Variants in DYNC1I1 observed in about 807,000 individuals in gnomAD.
DYNC1I1 encodes the protein dynein cytoplasmic 1 intermediate chain 1, also known as cytoplasmic dynein 1 intermediate chain 1.
DYNC1I1 carries 43 observed loss-of-function variants against 86.6 expected under a neutral mutation model. The observed-to-expected ratio is 0.50, with a 90% CI of 0.39 to 0.64. The LOEUF is 0.64. Ranked by LOEUF, DYNC1I1 falls within the 30% of genes least tolerant of loss-of-function variation. The pLI is 0.00. For synonymous variants in DYNC1I1, 262 were observed against 283.7 expected (o/e 0.92, Z 0.77); for missense variants, 604 against 788.8 (o/e 0.77, Z 2.81).
intron 1 of DYNC1I1, among the ~76,000 whole-genome samples, chr7:95,773,040 G>T (rs1005608004): frequency 3.9e-5 from 6 of 152,196 alleles, no homozygotes; most frequent in African/African-American, 1.4e-4. Context: ...TCACCACCTG[G>T]TCGCCCACCT....
At chr7:95,983,209 C>T (rs992872859) in intron 7 of DYNC1I1, among the ~76,000 whole-genome samples, 28 of 152,110 alleles carry the variant, frequency 1.8e-4, no homozygotes, top group African/African-American at 6.5e-4. Flanking sequence ...AGTGTCTCAG[C>T]AGCACTGCTC....
At chr7:95,951,562 A>G (rs1487449758) in intron 6 of DYNC1I1, among the ~76,000 whole-genome samples, 1 of 152,198 alleles carries the variant, frequency 6.6e-6, no homozygotes, top group Non-Finnish European at 1.5e-5. Flanking sequence ...CAATACATCC[A>G]ATACAACCTA....
chr7:96,043,645 T>C (rs907724564), intron 14 of DYNC1I1, among the ~76,000 whole-genome samples: 1 of 152,102 alleles, frequency 6.6e-6, no homozygotes, highest in Non-Finnish European at 1.5e-5. Context: ...TGAAAAACTT[T>C]ACAAGGCTAC....
intron 9 of DYNC1I1, among the ~76,000 whole-genome samples, chr7:95,993,943 A>C (rs998397036): frequency 6.6e-6 from 1 of 152,206 alleles, no homozygotes; most frequent in South Asian, 2.1e-4. Flanking sequence ...CCTATGTAGG[A>C]ATGACATTTT....
intron 10 of DYNC1I1, among the ~76,000 whole-genome samples, chr7:96,013,808 A>G (rs2115863340): frequency 6.6e-6 from 1 of 152,320 alleles, no homozygotes; most frequent in East Asian, 1.9e-4. Flanking sequence ...GCTGAGGCAC[A>G]AAGAACAACA....
intron 4 of DYNC1I1, chr7:95,818,671 C>T (rs1250510258): frequency 4.2e-6 from 2 of 472,210 alleles, no homozygotes; most frequent in South Asian, 4.9e-5. Context: ...ATTATAGAAA[C>T]AACACCTGTG....
At chr7:95,809,938 T>C (rs1401474729) in intron 2 of DYNC1I1, among the ~76,000 whole-genome samples, 3 of 152,162 alleles carry the variant, frequency 2.0e-5, no homozygotes, top group Non-Finnish European at 4.4e-5. Flanking sequence ...TTAAAAATTT[T>C]CATAAATAGT....
intron 6 of DYNC1I1, among the ~76,000 whole-genome samples, chr7:95,887,976 T>G (rs1307852717): frequency 6.6e-6 from 1 of 152,206 alleles, no homozygotes; most frequent in African/African-American, 2.4e-5. Flanking sequence ...GACAGTGGCC[T>G]TGATTTGACA....
Position 96,028,336 on chromosome 7 carries a change from TGCCATATCCCTGTGAGCC to T in DYNC1I1, c.1116+20_1116+37del. On this transcript the variant is annotated intron_variant, in intron 11 of 16. Coordinates refer to ENST00000447467, the MANE Select transcript of DYNC1I1 (RefSeq NM_001135556.2). Reference sequence around the variant, plus strand: ...CTGCACACACGGTAATGCAAACTTTTGCCATATCCCTGTGAGCCGCCAGGCCCTGAAAGAGAAAATAAC... The same window carrying T: ...CTGCACACACGGTAATGCAAACTTTTGCCAGGCCCTGAAAGAGAAAATAAC... The T allele has an allele frequency of 1.3e-6, 2 of 1,584,822 alleles. No individual in the cohort carries two copies. The highest frequency in any genetic ancestry group is 1.7e-6 in the Non-Finnish European group (2 of 1,158,154).
intron 7 of DYNC1I1, 100 bp downstream of exon 7, chr7:95,977,701 C>T: frequency 9.8e-7 from 1 of 1,016,110 alleles, no homozygotes; most frequent in Non-Finnish European, 1.4e-6. Flanking sequence ...ATTGAATTTG[C>T]ATCCCCTATA....
intron 6 of DYNC1I1, among the ~76,000 whole-genome samples, chr7:95,908,698 T>A (rs1473463159): frequency 3.3e-5 from 5 of 152,094 alleles, no homozygotes; most frequent in African/African-American, 1.2e-4. Flanking sequence ...AGCCCAGGAA[T>A]CTAGGACTCC....
intron 6 of DYNC1I1, among the ~76,000 whole-genome samples, chr7:95,940,485 C>T (rs1258850680): frequency 2.4e-4 from 36 of 152,310 alleles, no homozygotes; most frequent in Admixed American, 1.8e-3. Context: ...TTCTTGGAGG[C>T]TTTGTTCGTT....
rs564008492 is a variant in DYNC1I1 at position 95,831,886 on chromosome 7, G to T, written c.374+3770G>T. ...TTGTTTCAGTTCTTTATATATTTTG[G>T]ATATTAACCCCTTATCAGTAATATG... On this transcript the variant is annotated intron_variant, in intron 5 of 16. Transcript: ENST00000447467. Among the ~76,000 whole-genome samples the T allele has an allele frequency of 7.5e-4, 114 of 151,608 alleles. 1 individual carries two copies. Among genetic ancestry groups the T allele is most frequent in the Non-Finnish European group, 1.2e-3 (82 of 67,906 alleles).
intron 6 of DYNC1I1, among the ~76,000 whole-genome samples, chr7:95,937,964 A>G (rs1792093241): frequency 6.6e-6 from 1 of 152,074 alleles, no homozygotes; most frequent in Non-Finnish European, 1.5e-5. Flanking sequence ...ACTCACACAC[A>G]TAATACCCTA....
At chr7:95,864,768 C>T (rs6957233) in intron 5 of DYNC1I1, among the ~76,000 whole-genome samples, 31,131 of 152,014 alleles carry the variant, frequency 0.2, 3,710 homozygotes, top group East Asian at 0.46. Context: ...TGGCTTGTTT[C>T]ATAGAACTTC....
intron 14 of DYNC1I1, among the ~76,000 whole-genome samples, chr7:96,042,904 G>C (rs1050506880): frequency 6.6e-6 from 1 of 152,138 alleles, no homozygotes. Flanking sequence ...GCTCACACCT[G>C]TGATCCCAGC....
intron 4 of DYNC1I1, among the ~76,000 whole-genome samples, chr7:95,824,219 G>C (rs2690284): frequency 0.53 from 80,408 of 150,982 alleles, 22,022 homozygotes; most frequent in African/African-American, 0.67. Context: ...CTTGGAACCC[G>C]TGGGCTTCAG....
At chr7:95,845,531 G>C (rs1258965581) in intron 5 of DYNC1I1, among the ~76,000 whole-genome samples, 1 of 152,142 alleles carries the variant, frequency 6.6e-6, no homozygotes, top group Non-Finnish European at 1.5e-5. Flanking sequence ...TAATTTTCAA[G>C]GTTTGTCATG....
chr7:95,945,940 T>C (rs896755170), intron 6 of DYNC1I1, among the ~76,000 whole-genome samples: 1 of 152,116 alleles, frequency 6.6e-6, no homozygotes, highest in Admixed American at 6.5e-5. Context: ...AAAGAAAATG[T>C]GGTACAGAGA....
Sources: allele counts gnomAD v4.1 joint callset (sites outside exome capture counted in the v4.1 genomes callset), GRCh38; gene constraint gnomAD v4.1.1; transcripts MANE v1.5; gene names NCBI Gene and HGNC (gene_info 2026-07-23, HGNC 2026-07-21).